VPS13C: variants seen among roughly 807,000 people sequenced by gnomAD.
VPS13C encodes the protein intermembrane lipid transfer protein VPS13C.
In VPS13C, 358 loss-of-function variants were observed where a neutral mutation model predicts 456.8. That is an observed-to-expected ratio of 0.78 (90% CI 0.72 to 0.86). The LOEUF is 0.86. Among genes scored for constraint, VPS13C ranks in the 40% least tolerant of loss-of-function variants. The pLI is 0.00. For synonymous variants in VPS13C, 1,578 were observed against 1,486.7 expected (o/e 1.06, Z -1.41); for missense variants, 4,818 against 4,385.4 (o/e 1.10, Z -2.79).
intron 3 of VPS13C, among the ~76,000 whole-genome samples, chr15:62,039,139 T>C (rs115635844): frequency 0.011 from 1,704 of 152,210 alleles, 43 homozygotes; most frequent in African/African-American, 0.039. Flanking sequence ...CACTCATATG[T>C]TTATCACAGC....
intron 6 of VPS13C, among the ~76,000 whole-genome samples, chr15:62,026,714 T>C (rs542224461): frequency 1.1e-4 from 16 of 152,214 alleles, no homozygotes; most frequent in African/African-American, 3.9e-4. Context: ...TATGCAGAAA[T>C]GCTTCAGGCA....
chr15:62,001,643 A>G (rs2046620722), intron 15 of VPS13C, among the ~76,000 whole-genome samples: 1 of 152,122 alleles, frequency 6.6e-6, no homozygotes, highest in Non-Finnish European at 1.5e-5. Context: ...AGCATTAGGT[A>G]TATCTCCCAA....
At chr15:61,895,764 T>C (rs1216179275) in intron 66 of VPS13C, among the ~76,000 whole-genome samples, 3 of 152,010 alleles carry the variant, frequency 2.0e-5, no homozygotes, top group South Asian at 2.1e-4. Context: ...GTTGGTCTCA[T>C]AAAAGTAAAA....
chr15:61,990,153 T>C (rs917017241), intron 18 of VPS13C, among the ~76,000 whole-genome samples: 1 of 152,048 alleles, frequency 6.6e-6, no homozygotes, highest in Admixed American at 6.6e-5. Context: ...AGGCCATTTA[T>C]AGAAAGATTA....
chr15:61,883,111 C>T (rs1040444965), intron 68 of VPS13C, among the ~76,000 whole-genome samples: 4 of 152,020 alleles, frequency 2.6e-5, no homozygotes, highest in Non-Finnish European at 5.9e-5. Context: ...CAGCCTCAAC[C>T]TCCTGGCCTC....
chr15:61,909,180 A>G (rs2043229728), intron 64 of VPS13C, 55 bp from the exon 65 acceptor site: 1 of 1,589,380 alleles, frequency 6.3e-7, no homozygotes. Context: ...CTACACTTAC[A>G]TATGGAATTT....
intron 82 of VPS13C, among the ~76,000 whole-genome samples, chr15:61,861,110 C>A (rs8030588): frequency 6.6e-6 from 1 of 151,618 alleles, no homozygotes; most frequent in Non-Finnish European, 1.5e-5. Flanking sequence ...TACAGGCATG[C>A]GCCACAAAGT....
Position 61,952,505 on chromosome 15 carries a change from A to G in VPS13C, c.4300-525T>C, listed in dbSNP as rs189340482. On this transcript the variant is annotated intron_variant, in intron 38 of 84. Transcript: ENST00000644861. Reference sequence around the variant, plus strand: ...TTAAAAGGTCTTATGGACTTTATATATGTGTGTGTGTATGTGTGTTTGTGT... The same window carrying G: ...TTAAAAGGTCTTATGGACTTTATATGTGTGTGTGTGTATGTGTGTTTGTGT... 6.9e-3 allele frequency among the ~76,000 whole-genome samples: 1,046 copies of G among 152,150 alleles called. 7 individuals carry two copies. Among genetic ancestry groups the G allele is most frequent in the Non-Finnish European group, 8.1e-3 (548 of 67,976 alleles).
intron 15 of VPS13C, among the ~76,000 whole-genome samples, chr15:62,004,619 T>C (rs1183735524): frequency 6.6e-6 from 1 of 151,824 alleles, no homozygotes; most frequent in Non-Finnish European, 1.5e-5. Context: ...TGTTAGGGTG[T>C]CAGTTTTGGA....
Position 62,007,398 on chromosome 15 carries a change from C to CT in VPS13C, c.1199dup (p.His401AlafsTer9). 1 of 1,612,934 alleles carries CT rather than the reference C, an allele frequency of 6.2e-7. No individual in the cohort carries two copies. Among genetic ancestry groups the CT allele is most frequent in the Non-Finnish European group, 8.5e-7 (1 of 1,179,506 alleles). ...TATAACTCTTGAGTAACTGCCTGTG[C>CT]TTTTTTATGTTACTCCATGACCACA... On this transcript the variant is annotated frameshift_variant, in exon 15 of 85. Transcript: ENST00000644861. LOFTEE classifies it high-confidence loss of function.
rs755686518 is a variant in VPS13C, at chr15:61,991,089, C to G, written c.1489G>C (p.Asp497His). 3 of 1,597,306 alleles carry G rather than the reference C, an allele frequency of 1.9e-6. No homozygotes were observed. Among genetic ancestry groups the G allele is most frequent in the Non-Finnish European group, 2.6e-6 (3 of 1,174,882 alleles). ...DEESLIPETI[D>H]DLMTPEEKDK... is the part of the protein sequence containing the mutation. ...TTTTCCTCTGGAGTCATAAGGTCAT[C>G]AATAGCTATGAAAAAACAACATTTT... The change falls in exon 18 of 85, where the codon GAT becomes CAT. Residue 497 changes from aspartate (D) to histidine (H), a missense_variant. This residue lies in a region of VPS13C where 4,552 missense variants were observed against 4,130.6 expected (regional missense o/e 1.10). Transcript: ENST00000644861.
At chr15:61,868,591 T>A in intron 81 of VPS13C, 68 bp downstream of exon 81, 1 of 1,360,798 alleles carries the variant, frequency 7.3e-7, no homozygotes. Flanking sequence ...AAGAACCACC[T>A]AGGAAATCCT....
At chr15:61,906,399 C>T (rs1015071959) in intron 66 of VPS13C, among the ~76,000 whole-genome samples, 2 of 152,170 alleles carry the variant, frequency 1.3e-5, no homozygotes, top group African/African-American at 4.8e-5. Context: ...CAGAATTCTT[C>T]CCGGATCTCC....
rs377632349 is a variant in VPS13C at position 61,964,685 on chromosome 15, T to A, written c.3214+14A>T. On this transcript the variant is annotated intron_variant, in intron 31 of 84. Transcript: ENST00000644861. ...AACCCTTGCTAACAAAAAACAAAAA[T>A]GTATGTTTCATACCTTTTGGCAGAG... 5.2e-5 allele frequency: 83 copies of A among 1,587,382 alleles called. No homozygotes were observed. Among genetic ancestry groups the A allele is most frequent in the Non-Finnish European group, 6.6e-5 (77 of 1,170,950 alleles).
Position 61,853,128 on chromosome 15 carries a change from C to A in VPS13C, c.*1329G>T, listed in dbSNP as rs188432624. On this transcript the variant is annotated 3_prime_UTR_variant, in exon 85 of 85. Coordinates refer to ENST00000644861, the MANE Select transcript of VPS13C (RefSeq NM_020821.3). ...GAGAAAGGACAAAAAAAAATACTGT[C>A]CTGAATTGATTCTCACAGGGCCTGC... is the stretch of plus-strand genomic sequence containing the variant. 1 of 151,992 alleles carries A rather than the reference C, an allele frequency of 6.6e-6. No homozygotes were observed. The highest frequency in any genetic ancestry group is 1.5e-5 in the Non-Finnish European group (1 of 67,968). The allele number at this position is 151,992 out of a possible 1,614,324, so 9.4% of individuals were successfully genotyped here. A position where few individuals can be genotyped will look rare whatever the true frequency, so the allele number is the denominator to read the frequency against.
intron 66 of VPS13C, among the ~76,000 whole-genome samples, chr15:61,899,709 C>T (rs548230246): frequency 0.011 from 1,704 of 151,130 alleles, 30 homozygotes; most frequent in African/African-American, 0.039. Context: ...ACCATTCCTT[C>T]TGAAACTATT....
chr15:61,870,666 A>G (rs1894954832), intron 79 of VPS13C, among the ~76,000 whole-genome samples: 1 of 152,150 alleles, frequency 6.6e-6, no homozygotes, highest in African/African-American at 2.4e-5. Context: ...TTGCTGGGAC[A>G]CATGGTGACT....
At chr15:61,930,113 T>C (rs1030647050) in intron 50 of VPS13C, among the ~76,000 whole-genome samples, 6 of 152,118 alleles carry the variant, frequency 3.9e-5, no homozygotes, top group Non-Finnish European at 7.4e-5. Flanking sequence ...TCACACAAAA[T>C]AAAGGCAGCC....
chr15:62,000,207 C>CA (rs1220526774), intron 16 of VPS13C, among the ~76,000 whole-genome samples: 4 of 150,874 alleles, frequency 2.7e-5, no homozygotes, highest in African/African-American at 4.9e-5. Context: ...ACTAAAACTA[C>CA]AAAAAAAAAT....
Sources: gnomAD v4.1 joint callset for allele counts (sites outside exome capture counted in the v4.1 genomes callset) on GRCh38, gnomAD v4.1.1 for gene constraint, gnomAD v4.1.1 regional missense constraint, MANE v1.5 for transcripts, NCBI Gene and HGNC (gene_info 2026-07-23, HGNC 2026-07-21) for gene names.